PPP2R5D: variants seen among roughly 807,000 people sequenced by gnomAD.
PPP2R5D encodes serine/threonine-protein phosphatase 2A 56 kDa regulatory subunit delta isoform.
Under a neutral mutation model 79.1 loss-of-function variants are expected in PPP2R5D, and 12 were observed. That is an observed-to-expected ratio of 0.15 (90% CI 0.10 to 0.25). The LOEUF is 0.25. PPP2R5D is among the 10% of genes least tolerant of loss of function. The probability of loss-of-function intolerance (pLI) is 1.00; values close to 1 mark genes in which losing one functional copy is unlikely to be tolerated. For missense variants in PPP2R5D, 419 were observed against 760.2 expected (o/e 0.55, Z 5.28); for synonymous variants, 277 against 286.6 (o/e 0.97, Z 0.34).
intron 1 of PPP2R5D, among the ~76,000 whole-genome samples, chr6:42,988,364 T>C (rs1391724433): frequency 6.6e-6 from 1 of 152,174 alleles, no homozygotes; most frequent in African/African-American, 2.4e-5. Flanking sequence ...TTCTCAGGGG[T>C]TGGGGAGCTT....
At chr6:43,001,935 C>CA (rs200486132) in intron 2 of PPP2R5D, among the ~76,000 whole-genome samples, 2,067 of 125,628 alleles carry the variant, frequency 0.016, 23 homozygotes, top group South Asian at 0.055. Context: ...GACTCTGTCT[C>CA]AAAAAAAAAA....
chr6:42,996,825 A>G (rs1468956626), intron 2 of PPP2R5D, among the ~76,000 whole-genome samples: 1 of 152,246 alleles, frequency 6.6e-6, no homozygotes, highest in Admixed American at 6.5e-5. Context: ...TACTGGAGAG[A>G]AGGCCTCTGA....
intron 2 of PPP2R5D, among the ~76,000 whole-genome samples, chr6:42,999,088 G>A (rs1322601654): frequency 1.3e-5 from 2 of 152,132 alleles, no homozygotes; most frequent in Non-Finnish European, 2.9e-5. Context: ...ACAAAGTAGC[G>A]AGTAGAGGAC....
chr6:43,005,691 G>A (rs1762035479), intron 2 of PPP2R5D, among the ~76,000 whole-genome samples: 1 of 151,170 alleles, frequency 6.6e-6, no homozygotes, highest in Admixed American at 6.6e-5. Context: ...GCATGATCTC[G>A]GCTCACTGCA....
rs753270771 is a variant in PPP2R5D at position 43,010,587 on chromosome 6, C to A, written c.1481+18C>A. On this transcript the variant is annotated intron_variant, in intron 13 of 15. Transcript: ENST00000485511. The surrounding 1 kb of genome is among the most constrained non-coding windows in gnomAD (Gnocchi z 4.7). ...AAGCAGAAGTGAGTATCTCTCTCCC[C>A]GGGAGACTTTCATCTTCTACCACCA... The A allele has an allele frequency of 2.5e-6, 4 of 1,612,818 alleles. No homozygotes were observed. The highest frequency in any genetic ancestry group is 2.5e-6 in the Non-Finnish European group (3 of 1,178,866).
chr6:42,996,003 C>A (rs992451627), intron 2 of PPP2R5D, among the ~76,000 whole-genome samples: 6 of 86,948 alleles, frequency 6.9e-5, no homozygotes, highest in South Asian at 5.6e-4. Context: ...CTGGGACTTT[C>A]TATTTTTTTT....
Position 43,008,998 on chromosome 6 carries a change from TC to T in PPP2R5D, c.1081-57del. On this transcript the variant is annotated intron_variant, in intron 10 of 15. Transcript: ENST00000485511. This position sits in a 1 kb window ranked among gnomAD's most constrained non-coding sequence, Gnocchi z 4.2. Reference sequence around the variant, plus strand: ...GGGGGAGAGAGCAGGTAGGAAAACTTCCTGGTGACCTAGGCAGGTGCAAAGA... The same window carrying T: ...GGGGGAGAGAGCAGGTAGGAAAACTTCTGGTGACCTAGGCAGGTGCAAAGA... 4 of 1,573,448 alleles carry T rather than the reference TC, an allele frequency of 2.5e-6. No homozygotes were observed. The highest frequency in any genetic ancestry group is 3.5e-6 in the Non-Finnish European group (4 of 1,154,726).
intron 2 of PPP2R5D, among the ~76,000 whole-genome samples, chr6:43,005,343 G>T (rs1333324485): frequency 6.6e-6 from 1 of 151,444 alleles, no homozygotes; most frequent in Admixed American, 6.6e-5. Context: ...AGTGCAGTTG[G>T]TGTGATCATA....
Position 43,007,246 on chromosome 6 carries a change from G to A in PPP2R5D, c.573G>A (p.Gly191=). 1 of 1,614,130 alleles carries A rather than the reference G, an allele frequency of 6.2e-7. No individual in the cohort carries two copies. Among genetic ancestry groups the A allele is most frequent in the Non-Finnish European group, 8.5e-7 (1 of 1,180,024 alleles). Residue 191 remains glycine (G), a synonymous_variant, in exon 5 of 16, where the codon GGG becomes GGA. Coordinates refer to ENST00000485511, the MANE Select transcript of PPP2R5D (RefSeq NM_006245.4). This position sits in a 1 kb window ranked among gnomAD's most constrained non-coding sequence, Gnocchi z 4.5. ...TGCCACCTTCATCGAATCCCACAGG[G>A]GCTGAGTTTGACCCAGAGGAAGATG... The part of the protein sequence containing the change: ...RTLPPSSNPT[G]AEFDPEEDEP...
chr6:42,999,958 T>TG lies in PPP2R5D; in HGVS notation c.106-6503dup, dbSNP rs1772056509. On this transcript the variant is annotated intron_variant, in intron 2 of 15. Coordinates refer to ENST00000485511, the MANE Select transcript of PPP2R5D (RefSeq NM_006245.4). ...TCCTGCCACCTCTTTTTTTTTGAGATGGAGTCTTGCTCTGTCGCCCATGCT... is the reference window on the plus strand; with the variant it reads ...TCCTGCCACCTCTTTTTTTTTGAGATGGGAGTCTTGCTCTGTCGCCCATGCT... Among the ~76,000 whole-genome samples the TG allele has an allele frequency of 3.9e-5, 6 of 151,978 alleles. No individual in the cohort carries two copies. In the South Asian group the frequency reaches 1.2e-3, roughly 32 times the overall value.
intron 2 of PPP2R5D, among the ~76,000 whole-genome samples, chr6:43,002,870 G>C (rs1372580672): frequency 6.6e-6 from 1 of 152,178 alleles, no homozygotes; most frequent in African/African-American, 2.4e-5. Flanking sequence ...GCAGGTATGA[G>C]GCCAAGAGGT....
rs1762319391 is a variant in PPP2R5D, at chr6:43,010,867, G to A, written c.1555-14G>A. 1 of 1,609,722 alleles carries A rather than the reference G, an allele frequency of 6.2e-7. No individual in the cohort carries two copies. Among genetic ancestry groups the A allele is most frequent in the Non-Finnish European group, 8.5e-7 (1 of 1,176,732 alleles). On this transcript the variant is annotated splice_polypyrimidine_tract_variant and intron_variant, in intron 14 of 15. Coordinates refer to ENST00000485511, the MANE Select transcript of PPP2R5D (RefSeq NM_006245.4). This position sits in a 1 kb window ranked among gnomAD's most constrained non-coding sequence, Gnocchi z 4.7. Reference sequence around the variant, plus strand: ...GAAGTGGCTCTTAACGCTTGTCCATGTCTCCTCACTCAGTATCCCATGTTC... The same window carrying A: ...GAAGTGGCTCTTAACGCTTGTCCATATCTCCTCACTCAGTATCCCATGTTC...
intron 2 of PPP2R5D, among the ~76,000 whole-genome samples, chr6:42,995,183 T>A (rs1040505453): frequency 5.5e-5 from 8 of 145,614 alleles, no homozygotes; most frequent in African/African-American, 2.1e-4. Flanking sequence ...CAGGCTGGAG[T>A]ACAGTGGTAC....
At chr6:42,989,156 TC>T (rs1295583979) in intron 1 of PPP2R5D, among the ~76,000 whole-genome samples, 5 of 152,182 alleles carry the variant, frequency 3.3e-5, no homozygotes, top group African/African-American at 1.2e-4. Context: ...AAAAATTGCC[TC>T]CCAGTCTTTC....
Position 43,006,407 on chromosome 6 carries a change from C to T in PPP2R5D, c.106-56C>T, listed in dbSNP as rs746892792. On this transcript the variant is annotated intron_variant, in intron 2 of 15. Transcript: ENST00000485511. This position sits in a 1 kb window ranked among gnomAD's most constrained non-coding sequence, Gnocchi z 4.7. ...AAACAGACTTGGGGATGGCCAGGCCCAGGGTGGGAGGCATATCTTGGGAAG... is the reference window on the plus strand; with the variant it reads ...AAACAGACTTGGGGATGGCCAGGCCTAGGGTGGGAGGCATATCTTGGGAAG... 4 of 1,581,870 alleles carry T rather than the reference C, an allele frequency of 2.5e-6. No homozygotes were observed. Among genetic ancestry groups the T allele is most frequent in the Non-Finnish European group, 8.6e-7 (1 of 1,164,682 alleles).
At chr6:42,998,098 G>T (rs1273689312) in intron 2 of PPP2R5D, among the ~76,000 whole-genome samples, 2 of 70,000 alleles carry the variant, frequency 2.9e-5, no homozygotes, top group African/African-American at 5.2e-5. Context: ...TTTTTGAGAC[G>T]GAGTCTCACT....
chr6:42,990,699 C>CTTTTTTTTTTTTTTTTT (rs70990164), intron 2 of PPP2R5D, among the ~76,000 whole-genome samples: 2 of 51,572 alleles, frequency 3.9e-5, no homozygotes, highest in Non-Finnish European at 6.7e-5. Flanking sequence ...CAGTATTCTA[C>CTTTTTTTTTTTTTTTTT]TTTTTTTTTT....
chr6:42,999,362 A>G (rs569025958), intron 2 of PPP2R5D, among the ~76,000 whole-genome samples: 4 of 152,334 alleles, frequency 2.6e-5, no homozygotes, highest in South Asian at 2.1e-4. Flanking sequence ...TGGCAGAAAC[A>G]GCTGTCTCTC....
chr6:42,998,811 G>T (rs1771974902), intron 2 of PPP2R5D, among the ~76,000 whole-genome samples: 1 of 152,258 alleles, frequency 6.6e-6, no homozygotes, highest in Middle Eastern at 3.4e-3. Context: ...GAGGCAGGCA[G>T]ATCACTTGAG....
Sources: gnomAD v4.1 joint callset for allele counts (sites outside exome capture counted in the v4.1 genomes callset) on GRCh38, gnomAD v4.1.1 for gene constraint, Gnocchi (gnomAD v3.1) non-coding constraint, MANE v1.5 for transcripts, NCBI Gene and HGNC (gene_info 2026-07-23, HGNC 2026-07-21) for gene names.